Variants in CFAP57 observed in about 807,000 individuals in gnomAD.
CFAP57 encodes the protein cilia- and flagella-associated protein 57.
In CFAP57, 116 loss-of-function variants were observed where a neutral mutation model predicts 146.8. The ratio of observed to expected loss-of-function variants is 0.79; its 90% CI spans 0.68 to 0.92. The LOEUF (loss-of-function observed/expected upper bound fraction) is 0.92. Ranked by LOEUF, CFAP57 falls within the 40% of genes least tolerant of loss-of-function variation. The pLI is 0.00. For synonymous variants in CFAP57, 518 were observed against 552.8 expected, an observed-to-expected ratio of 0.94 and a Z score of 0.88; for missense variants, 1,377 against 1,527.2, an observed-to-expected ratio of 0.90 and a Z score of 1.64.
chr1:43,215,066 A>AGGG (rs1644781184), intron 11 of CFAP57, among the ~76,000 whole-genome samples, 189 bp from the exon 12 acceptor site: 1 of 152,156 alleles, frequency 6.6e-6, no homozygotes, highest in Admixed American at 6.6e-5. Context: ...TGTAGACGTA[A>AGGG]CCTTACTTCT....
In CFAP57 at chr1:43,234,518, A is replaced by G. The variant is rs565566206; in HGVS notation, c.3285A>G (p.Thr1095=). 9.7e-6 allele frequency: 15 copies of G among 1,550,116 alleles called. No individual in the cohort carries two copies. In the Admixed American group the frequency reaches 2.9e-4, roughly 30 times the overall value. The change falls in exon 21 of 23, where the codon ACA becomes ACG. Residue 1095 remains threonine, a synonymous_variant. Coordinates refer to ENST00000372492, the MANE Select transcript of CFAP57 (RefSeq NM_001378189.1). ...ADMVEIAGLN[T]DLQQEYTRQR... is the part of the protein sequence containing the mutation. ...AGGTGGAGATCGCAGGGCTGAACACAGACCTGCAGCAGGAGTACACCCGGC... is the reference window on the plus strand; with the variant it reads ...AGGTGGAGATCGCAGGGCTGAACACGGACCTGCAGCAGGAGTACACCCGGC...
Position 43,172,390 on chromosome 1 carries a change from A to C in CFAP57, c.-83A>C. The C allele has an allele frequency of 6.4e-7, 1 of 1,551,556 alleles. No homozygotes were observed. The highest frequency in any genetic ancestry group is 8.7e-7 in the Non-Finnish European group (1 of 1,146,968). ...GCGTTTGAAAGTGTCCGGGTTGCTT[A>C]GGATCCCTACAGGTAGCGCCTCTGG... On this transcript the variant is annotated 5_prime_UTR_variant, in exon 1 of 23. Coordinates refer to ENST00000372492, the MANE Select transcript of CFAP57 (RefSeq NM_001378189.1).
At chr1:43,242,648 G>A (rs951117362) in intron 21 of CFAP57, among the ~76,000 whole-genome samples, 3 of 152,138 alleles carry the variant, frequency 2.0e-5, no homozygotes, top group Admixed American at 2.0e-4. Context: ...ATAAATGTGG[G>A]TTCAGCAAAT....
At chr1:43,218,328 C>T (rs1469590135) in intron 12 of CFAP57, among the ~76,000 whole-genome samples, 1 of 152,130 alleles carries the variant, frequency 6.6e-6, no homozygotes, top group East Asian at 1.9e-4. Flanking sequence ...AGGCCGGGTG[C>T]GGTGGCTCAG....
chr1:43,197,477 G>A, intron 6 of CFAP57, 76 bp from the exon 7 acceptor site: 1 of 1,589,068 alleles, frequency 6.3e-7, no homozygotes, highest in Non-Finnish European at 8.6e-7. Context: ...AATGTTCATG[G>A]GAACTAATTA....
At chr1:43,245,672 G>C (rs908857587) in intron 22 of CFAP57, among the ~76,000 whole-genome samples, 1 of 152,128 alleles carries the variant, frequency 6.6e-6, no homozygotes, top group Non-Finnish European at 1.5e-5. Flanking sequence ...TGAAGGTAGG[G>C]CTGAAAACAG....
chr1:43,253,309 G>A (rs571390798), intron 22 of CFAP57, among the ~76,000 whole-genome samples: 1 of 152,252 alleles, frequency 6.6e-6, no homozygotes, highest in African/African-American at 2.4e-5. Context: ...AGTTACAGCA[G>A]TTGTGGTCAG....
At chr1:43,231,718 A>AAAG (rs373943745) in intron 18 of CFAP57, among the ~76,000 whole-genome samples, 23,750 of 143,922 alleles carry the variant, frequency 0.17, 2,583 homozygotes, top group Admixed American at 0.25. Context: ...AAAAAAAAAA[A>AAAG]TTAGTTGGGC....
Position 43,227,030 on chromosome 1 carries a change from A to G in CFAP57, c.2913A>G (p.Lys971=). Residue 971 remains lysine (K), a synonymous_variant, in exon 18 of 23, where the codon AAA becomes AAG. Transcript: ENST00000372492. The part of the protein sequence containing the change: ...DLKKKNQELG[K]FKFVLDYKIK... ...AAAAGAAAAATCAAGAACTAGGGAA[A>G]TTCAAGTTTGTGCTTGACTACAAAA... 1 of 1,537,222 alleles carries G rather than the reference A, an allele frequency of 6.5e-7. No individual in the cohort carries two copies. The highest frequency in any genetic ancestry group is 8.8e-7 in the Non-Finnish European group (1 of 1,142,180).
intron 9 of CFAP57, 54 bp from the exon 10 acceptor site, chr1:43,206,666 T>C: frequency 6.3e-7 from 1 of 1,583,728 alleles, no homozygotes; most frequent in South Asian, 1.1e-5. Flanking sequence ...CTTTTCTGTG[T>C]TAGGGTGTAA....
intron 18 of CFAP57, among the ~76,000 whole-genome samples, chr1:43,231,699 C>CAAA (rs10588937): frequency 5.7e-4 from 48 of 83,558 alleles, no homozygotes; most frequent in African/African-American, 1.3e-3. Context: ...CCTAAAAATA[C>CAAA]AAAAAAAAAA....
intron 11 of CFAP57, among the ~76,000 whole-genome samples, chr1:43,211,749 T>C (rs1644625448): frequency 1.3e-5 from 2 of 152,196 alleles, no homozygotes; most frequent in South Asian, 4.1e-4. Flanking sequence ...TACAATTAAA[T>C]ATTCCTCAGA....
chr1:43,217,721 C>T (rs1644888392), intron 12 of CFAP57, among the ~76,000 whole-genome samples: 1 of 152,120 alleles, frequency 6.6e-6, no homozygotes, highest in African/African-American at 2.4e-5. Flanking sequence ...TTGCCGCCCA[C>T]CCACCCCAGC....
intron 4 of CFAP57, among the ~76,000 whole-genome samples, chr1:43,184,405 A>G (rs1645554555): frequency 6.6e-6 from 1 of 152,252 alleles, no homozygotes; most frequent in Admixed American, 6.5e-5. Flanking sequence ...TATGACAACC[A>G]GTAAAAATCA....
intron 11 of CFAP57, chr1:43,210,127 C>T (rs775611278): frequency 4.4e-6 from 7 of 1,608,220 alleles, no homozygotes; most frequent in Non-Finnish European, 5.9e-6. Context: ...CAGAGATACA[C>T]CTAAAAATGT....
intron 2 of CFAP57, among the ~76,000 whole-genome samples, chr1:43,173,637 T>C (rs966924771): frequency 5.3e-5 from 8 of 152,250 alleles, no homozygotes; most frequent in African/African-American, 1.7e-4. Flanking sequence ...TCGATACATA[T>C]AGCCAAGTTC....
At chr1:43,181,492 G>A (rs1471720091) in intron 2 of CFAP57, 42 bp from the exon 3 acceptor site, 11 of 1,610,822 alleles carry the variant, frequency 6.8e-6, no homozygotes, top group African/African-American at 1.3e-5. Context: ...CCTGGTGAAA[G>A]TGTGATCTAC....
rs1024192048 is a variant in CFAP57 at position 43,232,494 on chromosome 1, C to G, written c.3010-14C>G. On this transcript the variant is annotated splice_polypyrimidine_tract_variant and intron_variant, in intron 18 of 22. Coordinates refer to ENST00000372492, the MANE Select transcript of CFAP57 (RefSeq NM_001378189.1). Reference sequence around the variant, plus strand: ...ACTTTCTTCTTCTTGACTCTTTTCCCTTGTTGTCTACAGATGGAAGCTGAA... The same window carrying G: ...ACTTTCTTCTTCTTGACTCTTTTCCGTTGTTGTCTACAGATGGAAGCTGAA... 3 of 1,545,394 alleles carry G rather than the reference C, an allele frequency of 1.9e-6. No individual in the cohort carries two copies. Among genetic ancestry groups the G allele is most frequent in the African/African-American group, 1.4e-5 (1 of 72,936 alleles).
chr1:43,185,347 A>G lies in CFAP57; in HGVS notation c.960A>G (p.Arg320=). Residue 320 remains arginine, a synonymous_variant, in exon 5 of 23, where the codon AGA becomes AGG. Transcript: ENST00000372492. ...AAAAGGATTTTTACCGTGAGAGCAGAGAAATCAGGGTAAGGCGGGAAGAAA... is the reference window on the plus strand; with the variant it reads ...AAAAGGATTTTTACCGTGAGAGCAGGGAAATCAGGGTAAGGCGGGAAGAAA... The part of the protein sequence containing the change: ...MEEKDFYRES[R]EIRIPVDPQS... 1 of 1,614,046 alleles carries G rather than the reference A, an allele frequency of 6.2e-7. No individual in the cohort carries two copies. The highest frequency in any genetic ancestry group is 8.5e-7 in the Non-Finnish European group (1 of 1,179,984).
Sources: gnomAD v4.1 joint callset for allele counts (sites outside exome capture counted in the v4.1 genomes callset) on GRCh38, gnomAD v4.1.1 for gene constraint, MANE v1.5 for transcripts, NCBI Gene and HGNC (gene_info 2026-07-23, HGNC 2026-07-21) for gene names.